Variants in SMARCA2 observed in about 807,000 individuals in gnomAD.
SMARCA2 encodes SWI/SNF related BAF chromatin remodeling complex subunit ATPase 2, also known as SWI/SNF-related matrix-associated actin-dependent regulator of chromatin subfamily A member 2.
SMARCA2 carries 61 observed loss-of-function variants against 199.8 expected under a neutral mutation model. The observed-to-expected ratio is 0.31, with a 90% CI of 0.25 to 0.38. The LOEUF (loss-of-function observed/expected upper bound fraction) is 0.38, where lower values mean the gene tolerates loss of function less well. Ranked by LOEUF, SMARCA2 falls within the 10% of genes least tolerant of loss-of-function variation. SMARCA2 has a pLI of 1.00. For synonymous variants in SMARCA2, 935 were observed against 732.0 expected (o/e 1.28, Z -4.48); for missense variants, 1,344 against 2,012.2 (o/e 0.67, Z 6.35).
intron 14 of SMARCA2, 23 bp from the exon 15 acceptor site, chr9:2,081,809 G>A: frequency 6.2e-7 from 1 of 1,610,888 alleles, no homozygotes; most frequent in Non-Finnish European, 8.5e-7. Context: ...TTGGATAATT[G>A]AAGCAATTAC....
chr9:2,037,879 A>G (rs909864846), intron 3 of SMARCA2, among the ~76,000 whole-genome samples: 3 of 152,114 alleles, frequency 2.0e-5, no homozygotes, highest in Non-Finnish European at 4.4e-5. Flanking sequence ...TCTTTCCTTC[A>G]TCTTGGAGCT....
rs1390156265 is a variant in SMARCA2, at chr9:2,081,818, A to G, written c.2185-14A>G. On this transcript the variant is annotated splice_polypyrimidine_tract_variant and intron_variant, in intron 14 of 33. Coordinates refer to ENST00000349721, the MANE Select transcript of SMARCA2 (RefSeq NM_003070.5). ...CAGATCTTGGATAATTGAAGCAATTACTCTTCATTTCAGCTCCAGGGCCTG... is the reference window on the plus strand; with the variant it reads ...CAGATCTTGGATAATTGAAGCAATTGCTCTTCATTTCAGCTCCAGGGCCTG... 1.2e-6 allele frequency: 2 copies of G among 1,611,660 alleles called. No homozygotes were observed. Among genetic ancestry groups the G allele is most frequent in the Admixed American group, 3.3e-5 (2 of 59,910 alleles).
intron 27 of SMARCA2, among the ~76,000 whole-genome samples, chr9:2,137,341 T>A (rs989488515): frequency 6.6e-6 from 1 of 152,224 alleles, no homozygotes; most frequent in African/African-American, 2.4e-5. Context: ...TGGCCTTCCA[T>A]TGTAAGTGTT....
chr9:2,148,649 C>A (rs1307950885), intron 27 of SMARCA2, among the ~76,000 whole-genome samples: 1 of 151,264 alleles, frequency 6.6e-6, no homozygotes, highest in South Asian at 2.1e-4. Context: ...TTCTGAGACA[C>A]ACGCACATGC....
In SMARCA2 at chr9:2,175,450, C is replaced by T. The variant is rs190775592; in HGVS notation, c.4253+4978C>T. Among the ~76,000 whole-genome samples the T allele has an allele frequency of 1.4e-4, 22 of 152,180 alleles. No homozygotes were observed. The East Asian group carries it at 4.2e-3, about 29-fold the overall frequency. On this transcript the variant is annotated intron_variant, in intron 29 of 33. Coordinates refer to ENST00000349721, the MANE Select transcript of SMARCA2 (RefSeq NM_003070.5). ...GAAAAGAAGATTCTGATGGTTGCAA[C>T]ATACAACATATTAAAACTTTTGTGT...
At chr9:2,074,116 A>G (rs1265217573) in intron 12 of SMARCA2, among the ~76,000 whole-genome samples, 1 of 152,164 alleles carries the variant, frequency 6.6e-6, no homozygotes, top group Non-Finnish European at 1.5e-5. Context: ...TTTCTCTCCA[A>G]ATGTGATTCT....
rs200588174 is a variant in SMARCA2, at chr9:2,148,158, A to G, written c.3982-13528A>G. ...GTCTTGTATTGTTCATGCTCTTTAT[A>G]GAACTAAGAACCCAATTTCTTCTCA... On this transcript the variant is annotated intron_variant, in intron 27 of 33. Coordinates refer to ENST00000349721, the MANE Select transcript of SMARCA2 (RefSeq NM_003070.5). Among the ~76,000 whole-genome samples the G allele has an allele frequency of 1.4e-4, 22 of 151,848 alleles. No individual in the cohort carries two copies. In the East Asian group the frequency reaches 4.2e-3, roughly 29 times the overall value.
chr9:2,139,569 T>C (rs578258956), intron 27 of SMARCA2, among the ~76,000 whole-genome samples: 1 of 152,320 alleles, frequency 6.6e-6, no homozygotes, highest in Non-Finnish European at 1.5e-5. Context: ...TACTGGTATA[T>C]ATTTTTATTT....
At chr9:2,155,028 C>A (rs1168590523) in intron 27 of SMARCA2, among the ~76,000 whole-genome samples, 2 of 152,146 alleles carry the variant, frequency 1.3e-5, no homozygotes, top group Non-Finnish European at 2.9e-5. Context: ...GTCTCAAGAT[C>A]ATCTCTCAGG....
In SMARCA2 at chr9:2,017,179, A is replaced by G. The variant is rs1439137685; in HGVS notation, c.-37+1775A>G. On this transcript the variant is annotated intron_variant, in intron 1 of 33. Coordinates refer to ENST00000349721, the MANE Select transcript of SMARCA2 (RefSeq NM_003070.5). The surrounding 1 kb of genome is among the most constrained non-coding windows in gnomAD (Gnocchi z 8.8). Reference sequence around the variant, plus strand: ...CCGCCTGGATTGCATTATTATTTTTATCCGGGTTGCCGTTTGCTGCGGATG... The same window carrying G: ...CCGCCTGGATTGCATTATTATTTTTGTCCGGGTTGCCGTTTGCTGCGGATG... 6.8e-6 allele frequency: 1 copy of G among 147,508 alleles called. No homozygotes were observed. The highest frequency in any genetic ancestry group is 1.5e-5 in the Non-Finnish European group (1 of 67,596). 9.1% of individuals were successfully genotyped at this position (147,508 alleles called of 1,614,324 possible). A position where few individuals can be genotyped will look rare whatever the true frequency, so the allele number is the denominator to read the frequency against.
At chr9:2,157,178 CAT>C (rs947644745) in intron 27 of SMARCA2, among the ~76,000 whole-genome samples, 15 of 152,186 alleles carry the variant, frequency 9.9e-5, no homozygotes, top group African/African-American at 3.4e-4. Flanking sequence ...GAAAATCTCT[CAT>C]ATATGAAAAT....
chr9:2,164,573 T>C lies in SMARCA2; in HGVS notation c.4199+2670T>C, dbSNP rs147251033. 4.2e-3 allele frequency among the ~76,000 whole-genome samples: 645 copies of C among 152,326 alleles called. 5 individuals are homozygous for C. Among genetic ancestry groups the C allele is most frequent in the African/African-American group, 0.015 (617 of 41,568 alleles). ...TATTAATAATCAGCCTTTCAGACTT[T>C]GAGGCTAATCAGGTAGGTGAATGGA... On this transcript the variant is annotated intron_variant, in intron 28 of 33. Transcript: ENST00000349721.
At position 2,024,906 on chromosome 9, in the gene SMARCA2, A is replaced by G. The variant is rs996921422; in HGVS notation, c.-36-4081A>G. 7.9e-5 allele frequency among the ~76,000 whole-genome samples: 12 copies of G among 152,290 alleles called. 1 individual carries two copies. Among genetic ancestry groups the G allele is most frequent in the Middle Eastern group, 3.4e-3 (1 of 294 alleles). On this transcript the variant is annotated intron_variant, in intron 1 of 33. Transcript: ENST00000349721. ...TTCAAATCACCAGAATTATTAGGAA[A>G]CACATGTAGGTGTGTTCAAATATTA...
chr9:2,119,451 A>G lies in SMARCA2; in HGVS notation c.3685-7A>G. Reference sequence around the variant, plus strand: ...ACTGGTTAAAATCACTCTGTTTTTAACCCCAGGAAGAAGATGAAGTACCGG... The same window carrying G: ...ACTGGTTAAAATCACTCTGTTTTTAGCCCCAGGAAGAAGATGAAGTACCGG... On this transcript the variant is annotated splice_region_variant and splice_polypyrimidine_tract_variant and intron_variant, in intron 25 of 33. Transcript: ENST00000349721. This position sits in a 1 kb window ranked among gnomAD's most constrained non-coding sequence, Gnocchi z 4.6. The G allele has an allele frequency of 6.2e-7, 1 of 1,606,534 alleles. No homozygotes were observed. The highest frequency in any genetic ancestry group is 8.5e-7 in the Non-Finnish European group (1 of 1,173,400).
At chr9:2,066,859 G>T (rs748714651) in intron 9 of SMARCA2, among the ~76,000 whole-genome samples, 1 of 152,186 alleles carries the variant, frequency 6.6e-6, no homozygotes, top group South Asian at 2.1e-4. Flanking sequence ...GAGACTGTCC[G>T]AAGTCAGCTC....
chr9:2,039,943 T>C lies in SMARCA2; in HGVS notation c.790+43T>C, dbSNP rs767173445. 6.2e-7 allele frequency: 1 copy of C among 1,602,366 alleles called. No individual in the cohort carries two copies. Among genetic ancestry groups the C allele is most frequent in the Non-Finnish European group, 8.5e-7 (1 of 1,174,484 alleles). ...CAAATGAATAATGCCATGGTCCAAC[T>C]CGGATAACAAAGACTGCTCACCAAA... On this transcript the variant is annotated intron_variant, in intron 4 of 33. Coordinates refer to ENST00000349721, the MANE Select transcript of SMARCA2 (RefSeq NM_003070.5). This position sits in a 1 kb window ranked among gnomAD's most constrained non-coding sequence, Gnocchi z 4.8.
In SMARCA2 at chr9:2,170,559, G is replaced by T. The variant is rs938152275; in HGVS notation, c.4253+87G>T. 5 of 1,604,614 alleles carry T rather than the reference G, an allele frequency of 3.1e-6. No individual in the cohort carries two copies. The highest frequency in any genetic ancestry group is 1.7e-5 in the Admixed American group (1 of 59,586). ...GATTGAATCATATAATCGGCCTTTG[G>T]AAGCAAATTTCTTCGGTCACCTCCT... On this transcript the variant is annotated intron_variant, in intron 29 of 33. Coordinates refer to ENST00000349721, the MANE Select transcript of SMARCA2 (RefSeq NM_003070.5). The surrounding 1 kb of genome is among the most constrained non-coding windows in gnomAD (Gnocchi z 4.7).
intron 29 of SMARCA2, among the ~76,000 whole-genome samples, chr9:2,174,792 C>T (rs954984853): frequency 6.6e-6 from 1 of 151,576 alleles, no homozygotes; most frequent in Non-Finnish European, 1.5e-5. Context: ...TGGTGGCATA[C>T]TCCAGTAGTC....
intron 28 of SMARCA2, among the ~76,000 whole-genome samples, chr9:2,163,680 C>G (rs1212463846): frequency 6.6e-6 from 1 of 152,062 alleles, no homozygotes; most frequent in Non-Finnish European, 1.5e-5. Context: ...TTTCTCTGAC[C>G]AGATGGGCTG....
Sources: allele counts gnomAD v4.1 joint callset (sites outside exome capture counted in the v4.1 genomes callset), GRCh38; gene constraint gnomAD v4.1.1; non-coding constraint Gnocchi (gnomAD v3.1); transcripts MANE v1.5; gene names NCBI Gene and HGNC (gene_info 2026-07-23, HGNC 2026-07-21).